RBFOX1: variants seen among roughly 807,000 people sequenced by gnomAD.
The protein encoded by RBFOX1 is RNA binding protein fox-1 homolog 1.
In RBFOX1, 8 loss-of-function variants were observed where a neutral mutation model predicts 57.7. The ratio of observed to expected loss-of-function variants is 0.14; its 90% CI spans 0.08 to 0.25. The LOEUF is 0.25. Among genes scored for constraint, RBFOX1 ranks in the 10% least tolerant of loss-of-function variants. RBFOX1 has a pLI of 1.00. For missense variants in RBFOX1, 611 were observed against 548.5 expected (o/e 1.11, Z -1.14); for synonymous variants, 326 against 222.4 (o/e 1.47, Z -4.15).
intron 4 of RBFOX1, among the ~76,000 whole-genome samples, chr16:7,291,976 ATAAT>A (rs1451559337): frequency 2.1e-5 from 2 of 93,684 alleles, no homozygotes; most frequent in African/African-American, 9.4e-5. Context: ...TATTTTATAT[ATAAT>A]ATAGAATATA....
intron 1 of RBFOX1, among the ~76,000 whole-genome samples, chr16:5,409,972 C>G (rs753447644): frequency 6.6e-6 from 1 of 150,980 alleles, no homozygotes. Context: ...CATTTGATCC[C>G]GGGAGGCAGA....
chr16:6,672,367 G>C (rs560144321), intron 3 of RBFOX1, among the ~76,000 whole-genome samples: 24 of 151,018 alleles, frequency 1.6e-4, no homozygotes, highest in Non-Finnish European at 3.2e-4. Flanking sequence ...AGAGAGAGAA[G>C]AGGGAGAAAG....
At chr16:5,348,820 A>G (rs1221625999) in intron 1 of RBFOX1, among the ~76,000 whole-genome samples, 2 of 152,236 alleles carry the variant, frequency 1.3e-5, no homozygotes, top group Non-Finnish European at 2.9e-5. Flanking sequence ...TTAATTTGTC[A>G]GCAGACTCTT....
chr16:5,833,801 C>T (rs185984607), intron 3 of RBFOX1, among the ~76,000 whole-genome samples: 3 of 152,206 alleles, frequency 2.0e-5, no homozygotes, highest in Non-Finnish European at 4.4e-5. Context: ...TTCTTTAGCC[C>T]AGGCCCTGTC....
intron 3 of RBFOX1, among the ~76,000 whole-genome samples, chr16:7,034,054 T>G (rs7187070): frequency 0.15 from 22,172 of 152,144 alleles, 3,029 homozygotes; most frequent in African/African-American, 0.34. Flanking sequence ...ATGAGGTAGG[T>G]ATGGCAGGGG....
intron 3 of RBFOX1, among the ~76,000 whole-genome samples, chr16:7,049,637 G>GT (rs1481601521): frequency 6.6e-6 from 1 of 152,088 alleles, no homozygotes; most frequent in East Asian, 1.9e-4. Context: ...GTGGTGGGAG[G>GT]TGGTAATTCA....
rs1290947728 is a variant in RBFOX1, at chr16:5,946,379, C to T, written c.351+79044C>T. Among the ~76,000 whole-genome samples, 13 of 152,314 alleles carry T rather than the reference C, an allele frequency of 8.5e-5. No individual in the cohort carries two copies. The East Asian group carries it at 2.5e-3, about 29-fold the overall frequency. ...TCCATTCCTTTTCTTTTCGTTTGCTCATGGATGTTTATCAAACACCAACCA... is the reference window on the plus strand; with the variant it reads ...TCCATTCCTTTTCTTTTCGTTTGCTTATGGATGTTTATCAAACACCAACCA... On this transcript the variant is annotated intron_variant, in intron 4 of 19. Coordinates refer to the RBFOX1 transcript ENST00000641259. The surrounding 1 kb of genome is among the most constrained non-coding windows in gnomAD (Gnocchi z 4.6).
intron 3 of RBFOX1, among the ~76,000 whole-genome samples, chr16:5,655,495 G>T (rs935715198): frequency 6.6e-6 from 1 of 152,142 alleles, no homozygotes; most frequent in East Asian, 1.9e-4. Context: ...CTGAAGATGG[G>T]GTGTGGCTAG....
rs542065615 is a variant in RBFOX1, at chr16:5,756,557, T to G, written c.319-110746T>G. 1.5e-4 allele frequency among the ~76,000 whole-genome samples: 23 copies of G among 152,182 alleles called. No homozygotes were observed. The South Asian group carries it at 4.8e-3, about 32-fold the overall frequency. On this transcript the variant is annotated intron_variant, in intron 3 of 19. Transcript: ENST00000641259. ...CAATAATAAAGATAAATTTGAGGAG[T>G]AATGAATAAAGACCCATTCCTTCTG...
chr16:7,019,101 T>G (rs1431328288), intron 3 of RBFOX1, among the ~76,000 whole-genome samples: 1 of 152,132 alleles, frequency 6.6e-6, no homozygotes, highest in Non-Finnish European at 1.5e-5. Flanking sequence ...TGTGTGTGTA[T>G]GTGTAAAGAC....
chr16:5,582,251 C>A (rs572481211), intron 2 of RBFOX1, among the ~76,000 whole-genome samples: 155 of 152,256 alleles, frequency 1.0e-3, no homozygotes, highest in African/African-American at 3.5e-3. Context: ...TTAGGAGCAT[C>A]TGAGGCATGA....
intron 1 of RBFOX1, among the ~76,000 whole-genome samples, chr16:5,363,436 T>A (rs925263064): frequency 5.3e-5 from 8 of 152,210 alleles, no homozygotes; most frequent in African/African-American, 1.9e-4. Context: ...TTTTCCTTGT[T>A]TAATTTTATC....
chr16:6,180,297 C>G (rs1310832336), intron 1 of RBFOX1, among the ~76,000 whole-genome samples: 1 of 152,000 alleles, frequency 6.6e-6, no homozygotes, highest in East Asian at 1.9e-4. Flanking sequence ...AATTCATTCT[C>G]TTTGCTTGGT....
intron 3 of RBFOX1, among the ~76,000 whole-genome samples, chr16:6,779,158 T>G (rs2079902822): frequency 6.6e-6 from 1 of 152,024 alleles, no homozygotes; most frequent in Admixed American, 6.6e-5. Flanking sequence ...TACTTCTAAC[T>G]CCCCCTTGCT....
At chr16:7,078,441 G>A (rs1261844402) in intron 4 of RBFOX1, among the ~76,000 whole-genome samples, 4 of 152,058 alleles carry the variant, frequency 2.6e-5, no homozygotes, top group Admixed American at 2.6e-4. Flanking sequence ...TCCGCCTCCC[G>A]GATTCAAGCG....
chr16:6,452,347 C>T (rs183784560), intron 2 of RBFOX1, among the ~76,000 whole-genome samples: 3 of 152,188 alleles, frequency 2.0e-5, no homozygotes, highest in Admixed American at 2.0e-4. Flanking sequence ...TGGCTCCATC[C>T]ATGGCTCCTT....
intron 4 of RBFOX1, among the ~76,000 whole-genome samples, chr16:7,134,184 G>C (rs529531151): frequency 7.9e-5 from 12 of 152,264 alleles, no homozygotes; most frequent in African/African-American, 2.9e-4. Context: ...TGAGGTTTCA[G>C]TAAAGGTCCA....
chr16:6,683,812 C>G (rs1014477822), intron 3 of RBFOX1, among the ~76,000 whole-genome samples: 1 of 152,158 alleles, frequency 6.6e-6, no homozygotes, highest in Non-Finnish European at 1.5e-5. Context: ...CACCAGTTAA[C>G]AGGAAGTTGA....
intron 5 of RBFOX1, among the ~76,000 whole-genome samples, chr16:7,572,909 G>T (rs562222690): frequency 1.3e-5 from 2 of 150,014 alleles, no homozygotes; most frequent in Non-Finnish European, 3.0e-5. Flanking sequence ...TTGAGGAACC[G>T]TACTATAGTG....
Sources: allele counts gnomAD v4.1 joint callset (sites outside exome capture counted in the v4.1 genomes callset), GRCh38; gene constraint gnomAD v4.1.1; non-coding constraint Gnocchi (gnomAD v3.1); transcripts MANE v1.5; gene names NCBI Gene and HGNC (gene_info 2026-07-23, HGNC 2026-07-21).